SMARCE1: variants seen among roughly 807,000 people sequenced by gnomAD.
The protein encoded by SMARCE1 is SWI/SNF related BAF chromatin remodeling complex subunit E1, also known as SWI/SNF-related matrix-associated actin-dependent regulator of chromatin subfamily E member 1.
A neutral mutation model predicts 54.9 loss-of-function variants in SMARCE1; 13 were observed. The ratio of observed to expected loss-of-function variants is 0.24; its 90% CI spans 0.15 to 0.38. SMARCE1 has a LOEUF of 0.38. SMARCE1 is among the 10% of genes least tolerant of loss of function. The pLI is 1.00. For synonymous variants in SMARCE1, 151 were observed against 175.3 expected (o/e 0.86, Z 1.10); for missense variants, 295 against 523.8 (o/e 0.56, Z 4.26).
At chr17:40,631,448 A>C in intron 9 of SMARCE1, 144 bp downstream of exon 9, 1 of 570,128 alleles carries the variant, frequency 1.8e-6, no homozygotes, top group Admixed American at 3.1e-5. Context: ...CTTATAAAAA[A>C]AGGATCCTAC....
At chr17:40,646,346 C>A (rs987356546) in intron 1 of SMARCE1, among the ~76,000 whole-genome samples, 6 of 152,182 alleles carry the variant, frequency 3.9e-5, no homozygotes, top group African/African-American at 1.4e-4. Context: ...ACTTCACATT[C>A]TCTTATAATG....
chr17:40,647,320 C>G (rs1426183322), intron 1 of SMARCE1: 1 of 152,260 alleles, frequency 6.6e-6, no homozygotes, highest in East Asian at 1.9e-4. Context: ...TTGTCTGAAG[C>G]CATATGCAGC....
chr17:40,645,715 G>T, intron 2 of SMARCE1, 81 bp downstream of exon 2: 1 of 1,100,860 alleles, frequency 9.1e-7, no homozygotes, highest in Non-Finnish European at 1.3e-6. Flanking sequence ...AAAAAAAAAT[G>T]AGAGTATTTT....
intron 7 of SMARCE1, chr17:40,633,185 T>C (rs1009981885): frequency 2.0e-5 from 3 of 152,180 alleles, no homozygotes; most frequent in Admixed American, 1.3e-4. Flanking sequence ...AATTTTTGTA[T>C]TTTTAGTAGA....
intron 3 of SMARCE1, chr17:40,644,204 A>C (rs925047002): frequency 6.6e-6 from 1 of 152,216 alleles, no homozygotes; most frequent in Non-Finnish European, 1.5e-5. Flanking sequence ...GAAATATTTT[A>C]ATCTCAAAAA....
intron 7 of SMARCE1, 38 bp from the exon 8 acceptor site, chr17:40,632,405 G>C (rs370727308): frequency 7.6e-6 from 12 of 1,578,490 alleles, no homozygotes; most frequent in Non-Finnish European, 1.0e-5. Flanking sequence ...CAGGTCACCA[G>C]TAACCATAAA....
At chr17:40,645,399 G>A (rs1597751877) in intron 3 of SMARCE1, 177 bp downstream of exon 3, 1 of 496,576 alleles carries the variant, frequency 2.0e-6, no homozygotes, top group Admixed American at 4.2e-5. Context: ...GTTGGGGTTG[G>A]TTCAAGGAAA....
At chr17:40,629,063 G>A (rs748803328) in intron 10 of SMARCE1, 70 bp from the exon 11 acceptor site, 5 of 1,313,882 alleles carry the variant, frequency 3.8e-6, no homozygotes, top group Non-Finnish European at 5.5e-6. Flanking sequence ...ACAGTATACA[G>A]CTGTGCTGTC....
chr17:40,636,249 C>T, intron 6 of SMARCE1, 146 bp downstream of exon 6: 1 of 1,145,012 alleles, frequency 8.7e-7, no homozygotes, highest in Non-Finnish European at 1.3e-6. Flanking sequence ...AAATCTGAGG[C>T]CTTGAGAAAC....
intron 4 of SMARCE1, chr17:40,640,565 G>A (rs2037189445): frequency 6.6e-6 from 1 of 152,172 alleles, no homozygotes. Context: ...TGCATAACTA[G>A]GGTCATAGTA....
Position 40,628,191 on chromosome 17 carries a change from GTAACTACTC to G in SMARCE1, c.*585_*593del, listed in dbSNP as rs1436004867. 1 of 153,128 alleles carries G rather than the reference GTAACTACTC, an allele frequency of 6.5e-6. No homozygotes were observed. The highest frequency in any genetic ancestry group is 1.5e-5 in the Non-Finnish European group (1 of 68,634). 9.5% of individuals were successfully genotyped at this position (153,128 alleles called of 1,614,324 possible). A position where few individuals can be genotyped will look rare whatever the true frequency, so the allele number is the denominator to read the frequency against. ...GTTCACTTTAATAACCACTTCATAA[GTAACTACTC>G]TAACTATGGGGACTATTTCTGGATC... On this transcript the variant is annotated 3_prime_UTR_variant, in exon 11 of 11. Transcript: ENST00000348513.
intron 4 of SMARCE1, among the ~76,000 whole-genome samples, chr17:40,639,225 A>G (rs551066225): frequency 6.6e-6 from 1 of 152,330 alleles, no homozygotes; most frequent in South Asian, 2.1e-4. Flanking sequence ...TCAAGGGGAA[A>G]GAGAATTCCT....
intron 4 of SMARCE1, chr17:40,640,129 TTTG>T (rs2037183234): frequency 6.6e-6 from 1 of 152,348 alleles, no homozygotes; most frequent in African/African-American, 2.4e-5. Flanking sequence ...TACTCAGTTT[TTTG>T]TTGTTGTTTC....
At chr17:40,635,672 C>T (rs1293586550) in intron 7 of SMARCE1, 5 of 274,524 alleles carry the variant, frequency 1.8e-5, no homozygotes, top group Non-Finnish European at 2.7e-5. Flanking sequence ...GATTTAAAAA[C>T]CTTTCGTGCA....
chr17:40,625,236 C>T lies in SMARCE1; in HGVS notation c.*3549G>A, dbSNP rs1051950694. On this transcript the variant is annotated 3_prime_UTR_variant, in exon 11 of 11. Transcript: ENST00000348513. ...TACAAATACATTTAGACATCGTTTT[C>T]TGCTAAACTCAGTATTTTCCTTTCC... is the stretch of plus-strand genomic sequence containing the variant. The T allele has an allele frequency of 1.6e-4, 25 of 152,224 alleles. No individual in the cohort carries two copies. The highest frequency in any genetic ancestry group is 5.8e-4 in the African/African-American group (24 of 41,454). 9.4% of individuals were successfully genotyped at this position (152,224 alleles called of 1,614,324 possible).
At position 40,645,602 on chromosome 17, in the gene SMARCE1, G is replaced by A; in HGVS notation, c.25C>T (p.Pro9Ser). The A allele has an allele frequency of 6.4e-7, 1 of 1,567,946 alleles. No individual in the cohort carries two copies. The highest frequency in any genetic ancestry group is 8.6e-7 in the Non-Finnish European group (1 of 1,164,806). The part of the protein sequence containing the change: MSKRPSYA[P>S]PPTPAPATQM... ...GTTGCAGGAGCTGGGGTGGGAGGTGGGGCATAAGATGGTCTTTCTGTTTGA... is the reference window on the plus strand; with the variant it reads ...GTTGCAGGAGCTGGGGTGGGAGGTGAGGCATAAGATGGTCTTTCTGTTTGA... Residue 9 changes from proline (P) to serine (S), a missense_variant, in exon 3 of 11, where the codon CCA becomes TCA. Around this residue, in one of 5 missense-constraint regions of SMARCE1, gnomAD observed 30 missense variants for 91.3 expected, o/e 0.33. Coordinates refer to ENST00000348513, the MANE Select transcript of SMARCE1 (RefSeq NM_003079.5).
intron 9 of SMARCE1, 29 bp from the exon 10 acceptor site, chr17:40,630,953 T>C (rs776693324): frequency 3.2e-6 from 5 of 1,571,952 alleles, no homozygotes; most frequent in East Asian, 2.2e-5. Flanking sequence ...AACTCCGTAA[T>C]GTTTTTTCCT....
intron 3 of SMARCE1, chr17:40,643,462 T>C (rs1323831386): frequency 1.3e-5 from 2 of 152,234 alleles, no homozygotes; most frequent in Non-Finnish European, 2.9e-5. Flanking sequence ...TATGTGTTGA[T>C]GTAATCACAA....
chr17:40,630,266 G>A, intron 10 of SMARCE1: 1 of 1,539,758 alleles, frequency 6.5e-7, no homozygotes, highest in African/African-American at 1.4e-5. Flanking sequence ...GTTTTTCTAG[G>A]ACAGAGCTGG....
Sources: allele counts gnomAD v4.1 joint callset (sites outside exome capture counted in the v4.1 genomes callset), GRCh38; gene constraint gnomAD v4.1.1; regional missense constraint gnomAD v4.1.1; transcripts MANE v1.5; gene names NCBI Gene and HGNC (gene_info 2026-07-23, HGNC 2026-07-21).